The following SGMS2 variants were observed in gnomAD, a reference collection of about 807,000 sequenced individuals.
SGMS2 encodes the protein sphingomyelin synthase 2.
In SGMS2, 21 loss-of-function variants were observed where a neutral mutation model predicts 43.8. The ratio of observed to expected loss-of-function variants is 0.48; its 90% CI spans 0.34 to 0.69. The LOEUF (loss-of-function observed/expected upper bound fraction) is 0.69, where lower values mean the gene tolerates loss of function less well. Ranked by LOEUF, SGMS2 falls within the 30% of genes least tolerant of loss-of-function variation. The pLI is 0.01. For missense variants in SGMS2, 384 were observed against 443.2 expected (o/e 0.87, Z 1.20); for synonymous variants, 167 against 160.6 (o/e 1.04, Z -0.30).
intron 1 of SGMS2, among the ~76,000 whole-genome samples, chr4:107,845,254 C>T (rs1726746679): frequency 6.6e-6 from 1 of 152,168 alleles, no homozygotes; most frequent in African/African-American, 2.4e-5. Context: ...TTCTCCAAGG[C>T]TCTGAGAACA....
Position 107,910,453 on chromosome 4 carries a change from T to C in SGMS2, c.998T>C (p.Phe333Ser). ...GTACAAGGCTCAATTCCTTGCTGCTTCTCCTGGCCGCTGTCTTGGCCTCCT... is the reference window on the plus strand; with the variant it reads ...GTACAAGGCTCAATTCCTTGCTGCTCCTCCTGGCCGCTGTCTTGGCCTCCT... ...KNVQGSIPCCFSWPLSWPPGC... is the reference protein window; with the variant it reads ...KNVQGSIPCCSSWPLSWPPGC... The change falls in exon 7 of 7, where the codon TTC (phenylalanine) becomes TCC (serine). Residue 333 changes from phenylalanine to serine, a missense_variant. Phe to Ser is a radical substitution (Grantham distance 155). Coordinates refer to ENST00000690982, the MANE Select transcript of SGMS2 (RefSeq NM_001375905.1). 1 of 1,614,082 alleles carries C rather than the reference T, an allele frequency of 6.2e-7. No individual in the cohort carries two copies. The highest frequency in any genetic ancestry group is 8.5e-7 in the Non-Finnish European group (1 of 1,179,998).
intron 2 of SGMS2, among the ~76,000 whole-genome samples, chr4:107,873,644 AG>A (rs1446633094): frequency 6.6e-6 from 1 of 152,076 alleles, no homozygotes; most frequent in Non-Finnish European, 1.5e-5. Flanking sequence ...ACTGTTCCTG[AG>A]AGAGTATCTG....
chr4:107,849,312 C>T (rs1727006120), intron 1 of SGMS2, among the ~76,000 whole-genome samples: 1 of 152,082 alleles, frequency 6.6e-6, no homozygotes, highest in Non-Finnish European at 1.5e-5. Flanking sequence ...TAATTTTACA[C>T]TGTCCAGTAC....
chr4:107,848,605 G>A (rs1389547446), intron 1 of SGMS2, among the ~76,000 whole-genome samples: 3 of 152,154 alleles, frequency 2.0e-5, no homozygotes, highest in African/African-American at 7.2e-5. Context: ...GATTTTAGCT[G>A]TTGTATATGG....
At chr4:107,849,639 CTT>C (rs1237252477) in intron 1 of SGMS2, among the ~76,000 whole-genome samples, 2 of 135,514 alleles carry the variant, frequency 1.5e-5, no homozygotes, top group African/African-American at 3.8e-5. Context: ...ATTAAAGTGA[CTT>C]TTTAAAGATC....
intron 2 of SGMS2, among the ~76,000 whole-genome samples, chr4:107,889,747 A>G (rs1237266205): frequency 6.6e-6 from 1 of 152,214 alleles, no homozygotes; most frequent in African/African-American, 2.4e-5. Context: ...TTAAATTTGC[A>G]TATTAAAGGA....
chr4:107,912,135 AAC>A lies in SGMS2; in HGVS notation c.*1586_*1587del, dbSNP rs1732163666. ...ATTGACCTTTAAGTTGCTTGAGAAAAACACAATGCAAATCGTTCAGAAGGGTC... is the reference window on the plus strand; with the variant it reads ...ATTGACCTTTAAGTTGCTTGAGAAAAACAATGCAAATCGTTCAGAAGGGTC... On this transcript the variant is annotated 3_prime_UTR_variant, in exon 7 of 7. Transcript: ENST00000690982. 6.6e-6 allele frequency: 1 copy of A among 152,172 alleles called. No homozygotes were observed. Among genetic ancestry groups the A allele is most frequent in the South Asian group, 2.1e-4 (1 of 4,826 alleles). The allele number at this position is 152,172 out of a possible 1,614,324, so 9.4% of individuals were successfully genotyped here. A position where few individuals can be genotyped will look rare whatever the true frequency, so the allele number is the denominator to read the frequency against.
chr4:107,871,246 T>A (rs189409121), intron 2 of SGMS2, among the ~76,000 whole-genome samples: 1 of 152,324 alleles, frequency 6.6e-6, no homozygotes, highest in Admixed American at 6.5e-5. Flanking sequence ...TGATTTTATT[T>A]TCAGTTTTTA....
chr4:107,882,835 GT>G (rs1353344955), intron 2 of SGMS2, among the ~76,000 whole-genome samples: 1 of 152,004 alleles, frequency 6.6e-6, no homozygotes, highest in Non-Finnish European at 1.5e-5. Flanking sequence ...ATAAAATTCT[GT>G]TTCAAGACCT....
At chr4:107,857,003 C>T (rs1727465927) in intron 1 of SGMS2, among the ~76,000 whole-genome samples, 1 of 152,152 alleles carries the variant, frequency 6.6e-6, no homozygotes, top group East Asian at 1.9e-4. Flanking sequence ...AAACCCTATA[C>T]CCATTAGCAT....
rs528486535 is a variant in SGMS2, at chr4:107,861,901, TG to T, written c.-245+3349del. Among the ~76,000 whole-genome samples, 5 of 152,356 alleles carry T rather than the reference TG, an allele frequency of 3.3e-5. No individual in the cohort carries two copies. The South Asian group carries it at 1.0e-3, about 32-fold the overall frequency. ...AAAATAAAATTTTCTAAACAACTTT[TG>T]TATCCTCCTGTTCATAAACATTTAA... On this transcript the variant is annotated intron_variant, in intron 2 of 6. Transcript: ENST00000690982.
chr4:107,899,695 C>G lies in SGMS2; in HGVS notation c.573+3C>G. 1.3e-6 allele frequency: 2 copies of G among 1,596,624 alleles called. No individual in the cohort carries two copies. The highest frequency in any genetic ancestry group is 2.7e-5 in the African/African-American group (2 of 74,448). On this transcript the variant is annotated splice_donor_region_variant and intron_variant, in intron 4 of 6. Coordinates refer to ENST00000690982, the MANE Select transcript of SGMS2 (RefSeq NM_001375905.1). ...TGCATTTCCAGTGTGCTCCAAAGGT[C>G]AGTACCTCCAAACTGCCACTTAGAA...
At chr4:107,857,390 A>G (rs1170162134) in intron 1 of SGMS2, among the ~76,000 whole-genome samples, 2 of 152,026 alleles carry the variant, frequency 1.3e-5, no homozygotes, top group African/African-American at 4.8e-5. Flanking sequence ...AGAGTGACAC[A>G]TTTGTTCTTG....
At chr4:107,852,446 A>G (rs1164985219) in intron 1 of SGMS2, among the ~76,000 whole-genome samples, 1 of 152,126 alleles carries the variant, frequency 6.6e-6, no homozygotes, top group East Asian at 1.9e-4. Flanking sequence ...TATAATAGCA[A>G]CTCATGTTTA....
At chr4:107,850,315 T>C (rs1006090934) in intron 1 of SGMS2, among the ~76,000 whole-genome samples, 3 of 152,260 alleles carry the variant, frequency 2.0e-5, no homozygotes, top group East Asian at 1.9e-4. Context: ...TATTTCTTTA[T>C]AGCAGTGCAA....
chr4:107,887,955 C>G lies in SGMS2; in HGVS notation c.-244-7355C>G, dbSNP rs1396687673. On this transcript the variant is annotated intron_variant, in intron 2 of 6. Coordinates refer to ENST00000690982, the MANE Select transcript of SGMS2 (RefSeq NM_001375905.1). The stretch of plus-strand genomic sequence containing the variant: ...GGAGTCAGTTAATGCTTCAAGAAAA[C>G]CTTGTTAATCAGACACAGGGACCCA... Among the ~76,000 whole-genome samples the G allele has an allele frequency of 2.6e-5, 4 of 152,226 alleles. No homozygotes were observed. In the East Asian group the frequency reaches 7.7e-4, roughly 29 times the overall value.
intron 2 of SGMS2, among the ~76,000 whole-genome samples, chr4:107,879,938 A>G (rs1729216207): frequency 1.3e-5 from 2 of 152,216 alleles, no homozygotes; most frequent in African/African-American, 4.8e-5. Context: ...AGTCACTGCC[A>G]TTCTCACCTG....
intron 6 of SGMS2, among the ~76,000 whole-genome samples, chr4:107,909,143 T>C (rs930262037): frequency 6.6e-6 from 1 of 151,828 alleles, no homozygotes; most frequent in Non-Finnish European, 1.5e-5. Flanking sequence ...TCTTGTTCTA[T>C]TGCCCAAGCT....
intron 1 of SGMS2, among the ~76,000 whole-genome samples, chr4:107,840,570 T>C (rs1295770239): frequency 2.0e-5 from 3 of 152,190 alleles, no homozygotes; most frequent in Non-Finnish European, 4.4e-5. Context: ...GGAAAGATCT[T>C]TTAAAACTTG....
Sources: gnomAD v4.1 joint callset for allele counts (sites outside exome capture counted in the v4.1 genomes callset) on GRCh38, gnomAD v4.1.1 for gene constraint, MANE v1.5 for transcripts, NCBI Gene and HGNC (gene_info 2026-07-23, HGNC 2026-07-21) for gene names.